Variants in L2HGDH observed in about 807,000 individuals in gnomAD.
L2HGDH encodes the protein L-2-hydroxyglutarate dehydrogenase.
Under a neutral mutation model 51.5 loss-of-function variants are expected in L2HGDH, and 34 were observed. The ratio of observed to expected loss-of-function variants is 0.66; its 90% confidence interval spans 0.50 to 0.88. L2HGDH has a LOEUF of 0.88. Among genes scored for constraint, L2HGDH ranks in the 40% least tolerant of loss-of-function variants. The pLI is 0.00. For missense variants in L2HGDH, 558 were observed against 571.9 expected (o/e 0.98, Z 0.25); for synonymous variants, 198 against 197.9 (o/e 1.00, Z -0.01).
chr14:50,269,576 A>T (rs1442796750), intron 6 of L2HGDH, among the ~76,000 whole-genome samples: 1 of 152,216 alleles, frequency 6.6e-6, no homozygotes, highest in Non-Finnish European at 1.5e-5. Flanking sequence ...TGGTCAACCT[A>T]GCAAGGATAC....
At position 50,269,229 on chromosome 14, in the gene L2HGDH, T is replaced by A; in HGVS notation, c.840A>T (p.Pro280=). 2 of 1,614,030 alleles carry A rather than the reference T, an allele frequency of 1.2e-6. No homozygotes were observed. The highest frequency in any genetic ancestry group is 1.7e-6 in the Non-Finnish European group (2 of 1,179,974). Residue 280 remains proline, a synonymous_variant, in exon 7 of 10, where the codon CCA becomes CCT. Coordinates refer to ENST00000267436, the MANE Select transcript of L2HGDH (RefSeq NM_024884.3). Reference sequence around the variant, plus strand: ...TCAAAAGCAGGTAATCTCCCCGGAATGGTACAATTCGAGGATCAGGAGTGC... The same window carrying A: ...TCAAAAGCAGGTAATCTCCCCGGAAAGGTACAATTCGAGGATCAGGAGTGC... ...SGCTPDPRIV[P]FRGDYLLLKP...
intron 1 of L2HGDH, among the ~76,000 whole-genome samples, chr14:50,307,664 C>T (rs1393988690): frequency 6.6e-6 from 1 of 152,214 alleles, no homozygotes; most frequent in African/African-American, 2.4e-5. Flanking sequence ...TAATTATCAA[C>T]TCACAGCAAA....
At position 50,300,605 on chromosome 14, in the gene L2HGDH, G is replaced by A. The variant is rs529827480; in HGVS notation, c.408+1412C>T. 2.0e-4 allele frequency among the ~76,000 whole-genome samples: 30 copies of A among 152,004 alleles called. No homozygotes were observed. The South Asian group carries it at 3.7e-3, about 19-fold the overall frequency. The stretch of plus-strand genomic sequence containing the variant: ...TGAGCCACCCTGCCCGGCCCATAAC[G>A]TATACATACTTCAAAACAACATGTT... On this transcript the variant is annotated intron_variant, in intron 3 of 9. Transcript: ENST00000267436.
chr14:50,293,439 CT>C (rs879668747), intron 4 of L2HGDH, among the ~76,000 whole-genome samples: 4 of 151,302 alleles, frequency 2.6e-5, no homozygotes, highest in African/African-American at 9.7e-5. Flanking sequence ...GCAAAGATTT[CT>C]TTTTTTTTCT....
chr14:50,295,837 C>A (rs1427241310), intron 3 of L2HGDH, among the ~76,000 whole-genome samples: 3 of 150,798 alleles, frequency 2.0e-5, no homozygotes, highest in African/African-American at 7.3e-5. Context: ...GTCCCAGGTT[C>A]AAACGATTCT....
intron 1 of L2HGDH, 47 bp downstream of exon 1, chr14:50,311,964 G>T: frequency 2.6e-6 from 4 of 1,540,892 alleles, no homozygotes; most frequent in Non-Finnish European, 3.5e-6. Flanking sequence ...AGGTGCCTCC[G>T]CGAGGGGCAG....
rs779179335 is a variant in L2HGDH at position 50,294,681 on chromosome 14, G to C, written c.409-435C>G. On this transcript the variant is annotated intron_variant, in intron 3 of 9. Transcript: ENST00000267436. ...ATATCAGCACATCAGAAAGACAACT[G>C]GTACTGAATGTGATGGAACATAACT... Among the ~76,000 whole-genome samples, 16 of 152,186 alleles carry C rather than the reference G, an allele frequency of 1.1e-4. 1 individual carries two copies. Among genetic ancestry groups the C allele is most frequent in the African/African-American group, 3.6e-4 (15 of 41,496 alleles).
intron 9 of L2HGDH, among the ~76,000 whole-genome samples, chr14:50,256,503 C>CGA (rs1394795686): frequency 1.4e-5 from 2 of 144,916 alleles, no homozygotes; most frequent in Non-Finnish European, 3.0e-5. Context: ...GGTGACAGGG[C>CGA]GAGAGCCTGT....
chr14:50,247,043 A>T lies in L2HGDH; in HGVS notation c.*15T>A. On this transcript the variant is annotated 3_prime_UTR_variant, in exon 10 of 10. Transcript: ENST00000267436. ...GACATGAAGATTACAGTGCATACCT[A>T]GCTCCTTTCATTATTTATAATTCAA... 1 of 1,611,004 alleles carries T rather than the reference A, an allele frequency of 6.2e-7. No homozygotes were observed. The highest frequency in any genetic ancestry group is 1.1e-5 in the South Asian group (1 of 90,850).
chr14:50,253,281 C>CAT (rs1455425482), intron 9 of L2HGDH, among the ~76,000 whole-genome samples: 5 of 152,068 alleles, frequency 3.3e-5, no homozygotes, highest in African/African-American at 1.2e-4. Context: ...GCAAACTACT[C>CAT]ATCTGACAAG....
In L2HGDH at chr14:50,246,879, T is replaced by A. The variant is rs1305527992; in HGVS notation, c.*179A>T. ...CTGAGATTACAGGCATGCGCCACCA[T>A]GCCTGGCTAATTTTTGTAGAAAATT... On this transcript the variant is annotated 3_prime_UTR_variant, in exon 10 of 10. Transcript: ENST00000267436. 8.7e-7 allele frequency: 1 copy of A among 1,149,516 alleles called. No homozygotes were observed. The highest frequency in any genetic ancestry group is 2.7e-5 in the East Asian group (1 of 36,622). 71.2% of individuals were successfully genotyped at this position (1,149,516 alleles called of 1,614,324 possible). A position where few individuals can be genotyped will look rare whatever the true frequency, so the allele number is the denominator to read the frequency against.
Position 50,245,190 on chromosome 14 carries a change from A to G in L2HGDH, c.*1868T>C, listed in dbSNP as rs73293653. On this transcript the variant is annotated 3_prime_UTR_variant, in exon 10 of 10. Transcript: ENST00000267436. ...CTATACAAGTTTATAGGAGCCCTGA[A>G]AAATCAAGTACGTATGAATCATTAC... 1,041 of 985,456 alleles carry G rather than the reference A, an allele frequency of 1.1e-3. 14 individuals carry two copies. The African/African-American group carries it at 0.017, about 16-fold the overall frequency. 61.0% of individuals were successfully genotyped at this position (985,456 alleles called of 1,614,324 possible).
At position 50,262,998 on chromosome 14, in the gene L2HGDH, C is replaced by A. The variant is rs181739690; in HGVS notation, c.1196+2360G>T. Among the ~76,000 whole-genome samples, 231 of 152,318 alleles carry A rather than the reference C, an allele frequency of 1.5e-3. 1 individual carries two copies. The highest frequency in any genetic ancestry group is 4.9e-3 in the African/African-American group (204 of 41,578). On this transcript the variant is annotated intron_variant, in intron 9 of 9. Coordinates refer to ENST00000267436, the MANE Select transcript of L2HGDH (RefSeq NM_024884.3). ...TTGGTAACAGAAATTCACACCCTTA[C>A]ACCCAGAGACAGGAGAGTTCACTAA...
At position 50,269,264 on chromosome 14, in the gene L2HGDH, A is replaced by T. The variant is rs1566514210; in HGVS notation, c.805T>A (p.Leu269Met). ...CGAGGATCAGGAGTGCAGCCACTCAACTCTGAAATACGGTCTGAGTAAAGT... is the reference window on the plus strand; with the variant it reads ...CGAGGATCAGGAGTGCAGCCACTCATCTCTGAAATACGGTCTGAGTAAAGT... ...AGLYSDRISE[L>M]SGCTPDPRIV... Residue 269 changes from leucine (L) to methionine (M), a missense_variant, in exon 7 of 10, where the codon TTG becomes ATG. By Grantham distance (15) the Leu-to-Met change is conservative. Transcript: ENST00000267436. The T allele has an allele frequency of 6.2e-7, 1 of 1,614,072 alleles. No individual in the cohort carries two copies. The highest frequency in any genetic ancestry group is 1.1e-5 in the South Asian group (1 of 91,082).
chr14:50,266,278 C>T (rs1021058432), intron 8 of L2HGDH, among the ~76,000 whole-genome samples: 2 of 152,186 alleles, frequency 1.3e-5, no homozygotes, highest in Admixed American at 1.3e-4. Flanking sequence ...CTTCAACACA[C>T]CTAAAAGGCA....
intron 9 of L2HGDH, among the ~76,000 whole-genome samples, chr14:50,263,110 G>A (rs1889128506): frequency 6.6e-6 from 1 of 152,220 alleles, no homozygotes; most frequent in African/African-American, 2.4e-5. Flanking sequence ...GGTGGTAACT[G>A]AATACAGGCA....
chr14:50,247,522 T>A (rs1360359154), intron 9 of L2HGDH, among the ~76,000 whole-genome samples: 1 of 152,236 alleles, frequency 6.6e-6, no homozygotes, highest in Non-Finnish European at 1.5e-5. Flanking sequence ...TTTATCAATG[T>A]CTGCTCTTTC....
In L2HGDH at chr14:50,248,746, C is replaced by T. The variant is rs373618033; in HGVS notation, c.1197-1493G>A. Reference sequence around the variant, plus strand: ...AGATATGGGAGTGAGTGGAGCAAGACGGTGGAAAAGAAGCCTACAAACATT... The same window carrying T: ...AGATATGGGAGTGAGTGGAGCAAGATGGTGGAAAAGAAGCCTACAAACATT... On this transcript the variant is annotated intron_variant, in intron 9 of 9. Transcript: ENST00000267436. 2.7e-4 allele frequency among the ~76,000 whole-genome samples: 41 copies of T among 152,214 alleles called. No individual in the cohort carries two copies. In the East Asian group the frequency reaches 5.6e-3, roughly 21 times the overall value.
At chr14:50,294,065 T>A in intron 4 of L2HGDH, 50 bp downstream of exon 4, 1 of 1,600,366 alleles carries the variant, frequency 6.2e-7, no homozygotes, top group Non-Finnish European at 8.6e-7. Flanking sequence ...TCAGCCTCCA[T>A]GTCTCAGGAC....
Sources: allele counts gnomAD v4.1 joint callset (sites outside exome capture counted in the v4.1 genomes callset), GRCh38; gene constraint gnomAD v4.1.1; transcripts MANE v1.5; gene names NCBI Gene and HGNC (gene_info 2026-07-23, HGNC 2026-07-21).